Variants in PPP1R9A observed in about 807,000 individuals in gnomAD.
PPP1R9A encodes the protein protein phosphatase 1 regulatory subunit 9A.
PPP1R9A carries 59 observed loss-of-function variants against 141.9 expected under a neutral mutation model. The observed-to-expected ratio is 0.42, with a 90% CI of 0.34 to 0.52. The LOEUF (loss-of-function observed/expected upper bound fraction) is 0.52. Ranked by LOEUF, PPP1R9A falls within the 20% of genes least tolerant of loss-of-function variation. The pLI, the probability that PPP1R9A is intolerant of heterozygous loss-of-function variation, is 0.10. For synonymous variants in PPP1R9A, 500 were observed against 569.7 expected (o/e 0.88, Z 1.74); for missense variants, 1,444 against 1,611.9 (o/e 0.90, Z 1.78).
At chr7:95,208,160 T>C (rs184663141) in intron 7 of PPP1R9A, among the ~76,000 whole-genome samples, 58 of 152,306 alleles carry the variant, frequency 3.8e-4, no homozygotes, top group Non-Finnish European at 5.9e-5. Flanking sequence ...AATAAATTTA[T>C]ACTTTGGGGC....
chr7:95,218,273 C>T (rs1015260989), intron 7 of PPP1R9A, among the ~76,000 whole-genome samples: 3 of 152,072 alleles, frequency 2.0e-5, no homozygotes, highest in African/African-American at 4.8e-5. Flanking sequence ...TGTAGTTGAG[C>T]GATTTTGAGT....
chr7:95,094,905 AG>A (rs1242930803), intron 2 of PPP1R9A, among the ~76,000 whole-genome samples: 142 of 146,844 alleles, frequency 9.7e-4, no homozygotes, highest in African/African-American at 3.0e-3. Context: ...AAAAAAAAAA[AG>A]GAACAAAAGG....
At chr7:95,130,316 T>C (rs1190842230) in intron 4 of PPP1R9A, among the ~76,000 whole-genome samples, 3 of 152,182 alleles carry the variant, frequency 2.0e-5, no homozygotes, top group African/African-American at 7.2e-5. Flanking sequence ...CCCCAAGCCT[T>C]GGCAGCTTCC....
chr7:95,034,771 G>A (rs926862874), intron 2 of PPP1R9A, among the ~76,000 whole-genome samples: 1 of 152,184 alleles, frequency 6.6e-6, no homozygotes, highest in African/African-American at 2.4e-5. Flanking sequence ...GAATATTCTA[G>A]TTTGAGAAGT....
At chr7:95,113,545 A>G (rs569943603) in intron 3 of PPP1R9A, among the ~76,000 whole-genome samples, 2 of 152,338 alleles carry the variant, frequency 1.3e-5, no homozygotes, top group South Asian at 4.1e-4. Context: ...CAACCAAACA[A>G]ACAAGCAAAT....
At position 94,996,800 on chromosome 7, in the gene PPP1R9A, T is replaced by TG. The variant is rs1802236082; in HGVS notation, c.1395+85292_1395+85293insG. On this transcript the variant is annotated intron_variant, in intron 2 of 19. Transcript: ENST00000433360. ...CATTTTTCAGTTCAGATACTCTGTGTTTTTTTTTTTTTTTTTTTGAGATGG... is the reference window on the plus strand; with the variant it reads ...CATTTTTCAGTTCAGATACTCTGTGTGTTTTTTTTTTTTTTTTTTGAGATGG... 1.9e-4 allele frequency among the ~76,000 whole-genome samples: 5 copies of TG among 26,436 alleles called. No individual in the cohort carries two copies. In the South Asian group the frequency reaches 2.9e-3, roughly 16 times the overall value. 17.3% of individuals were successfully genotyped at this position (26,436 alleles called of 152,430 possible). A position where few individuals can be genotyped will look rare whatever the true frequency, so the allele number is the denominator to read the frequency against.
chr7:95,000,498 C>A (rs896805372), intron 2 of PPP1R9A, among the ~76,000 whole-genome samples: 1 of 151,974 alleles, frequency 6.6e-6, no homozygotes, highest in Non-Finnish European at 1.5e-5. Flanking sequence ...GATGCTTTTT[C>A]ATGTACTCTT....
At chr7:95,110,239 C>T (rs17305704) in intron 2 of PPP1R9A, among the ~76,000 whole-genome samples, 12,718 of 152,212 alleles carry the variant, frequency 0.084, 741 homozygotes, top group Middle Eastern at 0.19. Flanking sequence ...GTCCATAGAA[C>T]AGCAGGGCCA....
At chr7:94,942,527 C>A (rs1257850329) in intron 2 of PPP1R9A, among the ~76,000 whole-genome samples, 2 of 152,084 alleles carry the variant, frequency 1.3e-5, no homozygotes, top group Non-Finnish European at 2.9e-5. Context: ...ACTGTAAAGG[C>A]AGAGCAAGTA....
At chr7:95,121,475 A>G (rs569288804) in intron 4 of PPP1R9A, among the ~76,000 whole-genome samples, 13 of 148,432 alleles carry the variant, frequency 8.8e-5, no homozygotes, top group African/African-American at 2.6e-4. Context: ...CTATCTATCT[A>G]TCTATCTATC....
At chr7:95,231,078 A>G (rs1440704505) in intron 8 of PPP1R9A, among the ~76,000 whole-genome samples, 1 of 152,182 alleles carries the variant, frequency 6.6e-6, no homozygotes. Flanking sequence ...CCGTATGCAA[A>G]TGGACACCAA....
intron 5 of PPP1R9A, among the ~76,000 whole-genome samples, chr7:95,163,556 G>A (rs1830736546): frequency 6.6e-6 from 1 of 152,132 alleles, no homozygotes; most frequent in African/African-American, 2.4e-5. Context: ...CTTAGTAGTT[G>A]AGCCTCCCTA....
intron 4 of PPP1R9A, among the ~76,000 whole-genome samples, chr7:95,138,002 G>A (rs918230385): frequency 2.0e-5 from 3 of 146,986 alleles, no homozygotes; most frequent in African/African-American, 5.1e-5. Context: ...GCGCGATCTC[G>A]GCTCACTGCG....
At chr7:95,008,166 A>C (rs758082343) in intron 2 of PPP1R9A, among the ~76,000 whole-genome samples, 20 of 152,304 alleles carry the variant, frequency 1.3e-4, no homozygotes, top group Non-Finnish European at 2.2e-4. Context: ...GGTAAGAAAC[A>C]AATTACATGA....
intron 2 of PPP1R9A, among the ~76,000 whole-genome samples, chr7:94,973,778 G>GCA (rs1360990966): frequency 6.6e-6 from 1 of 150,920 alleles, no homozygotes. Flanking sequence ...GAGTGCAGTG[G>GCA]CACAATCATA....
chr7:95,098,605 A>G (rs1367416168), intron 2 of PPP1R9A, among the ~76,000 whole-genome samples: 2 of 152,052 alleles, frequency 1.3e-5, no homozygotes, highest in Non-Finnish European at 2.9e-5. Context: ...CCCTGGGTAA[A>G]TGTATGTACG....
intron 2 of PPP1R9A, among the ~76,000 whole-genome samples, chr7:94,957,433 T>C (rs188483745): frequency 6.6e-6 from 1 of 152,110 alleles, no homozygotes; most frequent in East Asian, 1.9e-4. Context: ...TTTTGCTAGA[T>C]AGAATGGGAG....
At chr7:95,186,157 G>C (rs548788708) in intron 5 of PPP1R9A, among the ~76,000 whole-genome samples, 1 of 152,248 alleles carries the variant, frequency 6.6e-6, no homozygotes, top group South Asian at 2.1e-4. Context: ...CAATCCGTGA[G>C]CATGGGATAT....
In PPP1R9A at chr7:94,910,558, A is replaced by C. The variant is rs1331323318; in HGVS notation, c.445A>C (p.Ser149Arg). 6.2e-7 allele frequency: 1 copy of C among 1,614,216 alleles called. No homozygotes were observed. ...FTETRKMFER[S>R]VHESGQNNRY... ...TGAGACTCGAAAGATGTTTGAGAGA[A>C]GTGTGCATGAATCAGGACAGAACAA... Residue 149 changes from serine (S) to arginine (R), a missense_variant, in exon 2 of 20, where the codon AGT becomes CGT. This residue lies in a region of PPP1R9A where 490 missense variants were observed against 521.1 expected (regional missense o/e 0.94). Coordinates refer to ENST00000433360, the MANE Select transcript of PPP1R9A (RefSeq NM_001166160.2). This position sits in a 1 kb window ranked among gnomAD's most constrained non-coding sequence, Gnocchi z 4.5.
Sources: allele counts gnomAD v4.1 joint callset (sites outside exome capture counted in the v4.1 genomes callset), GRCh38; gene constraint gnomAD v4.1.1; regional missense constraint gnomAD v4.1.1; non-coding constraint Gnocchi (gnomAD v3.1); transcripts MANE v1.5; gene names NCBI Gene and HGNC (gene_info 2026-07-23, HGNC 2026-07-21).